WDR47: variants seen among roughly 807,000 people sequenced by gnomAD.
The protein encoded by WDR47 is WD repeat domain 47, also known as WD repeat-containing protein 47.
A neutral mutation model predicts 97.2 loss-of-function variants in WDR47; 32 were observed. The observed-to-expected ratio is 0.33, with a 90% confidence interval of 0.25 to 0.44. The LOEUF is 0.44. Among genes scored for constraint, WDR47 ranks in the 20% least tolerant of loss-of-function variants. WDR47 has a pLI of 1.00. For synonymous variants in WDR47, 375 were observed against 373.5 expected (o/e 1.00, Z -0.05); for missense variants, 782 against 1,102.3 (o/e 0.71, Z 4.11).
At chr1:108,974,815 G>A (rs1657757566) in intron 13 of WDR47, 61 bp from the exon 14 acceptor site, 1 of 1,251,790 alleles carries the variant, frequency 8.0e-7, no homozygotes, top group Non-Finnish European at 1.1e-6. Context: ...TGGCAACACA[G>A]CTGATTATGT....
intron 7 of WDR47, among the ~76,000 whole-genome samples, chr1:108,998,829 A>T (rs1362818534): frequency 6.6e-6 from 1 of 152,232 alleles, no homozygotes; most frequent in Non-Finnish European, 1.5e-5. Flanking sequence ...TGAGAGGAAA[A>T]AGCACATTTT....
In WDR47 at chr1:109,010,993, T is replaced by C; in HGVS notation, c.1053A>G (p.Pro351=). 1 of 1,614,164 alleles carries C rather than the reference T, an allele frequency of 6.2e-7. No individual in the cohort carries two copies. Among genetic ancestry groups the C allele is most frequent in the Non-Finnish European group, 8.5e-7 (1 of 1,180,036 alleles). ...MSHSFANFHY[P]GVQNLSRSLM... Reference sequence around the variant, plus strand: ...GACTTCTACTGAGGTTTTGTACCCCTGGATAATGGAAGTTAGCAAAGGAGT... The same window carrying C: ...GACTTCTACTGAGGTTTTGTACCCCCGGATAATGGAAGTTAGCAAAGGAGT... The change falls in exon 5 of 15, where the codon CCA becomes CCG. Residue 351 remains proline (P), a synonymous_variant. Coordinates refer to ENST00000369962, the MANE Select transcript of WDR47 (RefSeq NM_001142551.2).
chr1:108,980,969 A>C (rs1658293085), intron 13 of WDR47, among the ~76,000 whole-genome samples: 1 of 151,950 alleles, frequency 6.6e-6, no homozygotes. Context: ...CTACTAAAAA[A>C]TGCAAAAAAT....
intron 7 of WDR47, among the ~76,000 whole-genome samples, chr1:108,999,613 G>A (rs1660025655): frequency 6.6e-6 from 1 of 151,296 alleles, no homozygotes; most frequent in Non-Finnish European, 1.5e-5. Flanking sequence ...GGTCGAGGCT[G>A]CAGTGAGCCA....
At chr1:109,010,836 C>T in intron 5 of WDR47, 80 bp downstream of exon 5, 3 of 1,373,608 alleles carry the variant, frequency 2.2e-6, no homozygotes, top group Non-Finnish European at 3.0e-6. Context: ...CCCACCTCGG[C>T]CTCCCAAAGT....
Position 109,026,406 on chromosome 1 carries a change from G to C in WDR47, c.-9-2885C>G, listed in dbSNP as rs201439016. On this transcript the variant is annotated intron_variant, in intron 1 of 14. Coordinates refer to ENST00000369962, the MANE Select transcript of WDR47 (RefSeq NM_001142551.2). ...TACTCATTAAATTCTGATCATATCA[G>C]AACTGTCTCCCTAATATTATTCTTA... Among the ~76,000 whole-genome samples the C allele has an allele frequency of 4.0e-5, 6 of 150,948 alleles. No homozygotes were observed. In the East Asian group the frequency reaches 1.2e-3, roughly 29 times the overall value.
chr1:109,006,350 G>A (rs761541204), intron 5 of WDR47, among the ~76,000 whole-genome samples: 4 of 147,100 alleles, frequency 2.7e-5, no homozygotes, highest in Non-Finnish European at 6.1e-5. Context: ...CCGAGATCGC[G>A]CCATTGCAGT....
Position 108,971,369 on chromosome 1 carries a change from T to C in WDR47, c.*61A>G, listed in dbSNP as rs1015733966. The C allele has an allele frequency of 8.1e-6, 13 of 1,597,646 alleles. No homozygotes were observed. The Admixed American group carries it at 1.5e-4, about 19-fold the overall frequency. On this transcript the variant is annotated 3_prime_UTR_variant, in exon 15 of 15. Coordinates refer to ENST00000369962, the MANE Select transcript of WDR47 (RefSeq NM_001142551.2). ...ACTATGTTCTTCAGATTTGTAATTTTCACAACTCAGTAGTCTTAAGTCTCT... is the reference window on the plus strand; with the variant it reads ...ACTATGTTCTTCAGATTTGTAATTTCCACAACTCAGTAGTCTTAAGTCTCT...
intron 6 of WDR47, among the ~76,000 whole-genome samples, chr1:109,004,146 T>TC (rs1325739614): frequency 6.6e-6 from 1 of 151,682 alleles, no homozygotes; most frequent in Non-Finnish European, 1.5e-5. Context: ...GCGCCTGTGG[T>TC]CCCAGCTACT....
intron 7 of WDR47, among the ~76,000 whole-genome samples, chr1:108,999,810 T>C (rs1660046051): frequency 6.6e-6 from 1 of 152,212 alleles, no homozygotes; most frequent in Admixed American, 6.5e-5. Context: ...GTCACAGAAC[T>C]TTGCCATTTC....
At chr1:109,020,098 CAT>C (rs1006087798) in intron 2 of WDR47, among the ~76,000 whole-genome samples, 47 of 151,786 alleles carry the variant, frequency 3.1e-4, no homozygotes, top group Admixed American at 7.9e-4. Context: ...AAAAAATTAA[CAT>C]AAAGAAATTT....
intron 2 of WDR47, among the ~76,000 whole-genome samples, chr1:109,019,644 A>G (rs1661677925): frequency 6.6e-6 from 1 of 152,322 alleles, no homozygotes; most frequent in East Asian, 1.9e-4. Context: ...ACAAAGAATT[A>G]TCTGGCCCAG....
At chr1:109,018,675 C>T (rs1474200578) in intron 2 of WDR47, among the ~76,000 whole-genome samples, 3 of 151,952 alleles carry the variant, frequency 2.0e-5, no homozygotes, top group Admixed American at 2.0e-4. Flanking sequence ...ATTAGCCAGG[C>T]ATGGTTGTGC....
intron 2 of WDR47, among the ~76,000 whole-genome samples, chr1:109,018,725 G>C (rs1213563248): frequency 1.3e-5 from 2 of 150,794 alleles, no homozygotes; most frequent in African/African-American, 4.9e-5. Context: ...TGAGGTGGGA[G>C]GATCACTTGA....
In WDR47 at chr1:108,995,908, A is replaced by G. The variant is rs555092998; in HGVS notation, c.1434-71T>C. On this transcript the variant is annotated intron_variant, in intron 7 of 14. Coordinates refer to ENST00000369962, the MANE Select transcript of WDR47 (RefSeq NM_001142551.2). ...GCATTCCTAATATATACAAGGTTAA[A>G]AGTGTGAAAAGGTAAAAATATGCAC... 6.2e-6 allele frequency: 9 copies of G among 1,463,284 alleles called. No homozygotes were observed. The African/African-American group carries it at 1.3e-4, about 21-fold the overall frequency. The allele number at this position is 1,463,284 out of a possible 1,614,324, so 90.6% of individuals were successfully genotyped here.
At position 108,983,338 on chromosome 1, in the gene WDR47, GATCCTGTTGCTA is replaced by G; in HGVS notation, c.2027_2038del (p.Leu676_Gly679del). ...CAGCACTTTGACGTATTTGTCATTTGATCCTGTTGCTAATAACTGCCCACAAGGACTCCAGGC... is the reference window on the plus strand; with the variant it reads ...CAGCACTTTGACGTATTTGTCATTTGATAACTGCCCACAAGGACTCCAGGC... On this transcript the variant is annotated inframe_deletion, in exon 11 of 15. Transcript: ENST00000369962. 6.2e-7 allele frequency: 1 copy of G among 1,612,658 alleles called. No homozygotes were observed. The highest frequency in any genetic ancestry group is 8.5e-7 in the Non-Finnish European group (1 of 1,179,300).
Position 109,031,345 on chromosome 1 carries a change from A to G in WDR47, c.-9-7824T>C, listed in dbSNP as rs905369208. Reference sequence around the variant, plus strand: ...ATGTTTAAAGCAGGTGCAACTTTATATAACTATAAAAAGAAACTAATATAA... The same window carrying G: ...ATGTTTAAAGCAGGTGCAACTTTATGTAACTATAAAAAGAAACTAATATAA... On this transcript the variant is annotated intron_variant, in intron 1 of 14. Transcript: ENST00000369962. Among the ~76,000 whole-genome samples the G allele has an allele frequency of 2.1e-5, 3 of 140,406 alleles. 1 individual carries two copies. The South Asian group carries it at 6.7e-4, about 31-fold the overall frequency. 92.1% of individuals were successfully genotyped at this position (140,406 alleles called of 152,430 possible). A position where few individuals can be genotyped will look rare whatever the true frequency, so the allele number is the denominator to read the frequency against.
intron 1 of WDR47, among the ~76,000 whole-genome samples, chr1:109,028,835 T>C (rs1662411750): frequency 6.6e-6 from 1 of 152,134 alleles, no homozygotes; most frequent in Non-Finnish European, 1.5e-5. Context: ...TAATTTACCA[T>C]CTTCACCATT....
intron 1 of WDR47, among the ~76,000 whole-genome samples, chr1:109,023,788 A>G (rs1662014959): frequency 1.3e-5 from 2 of 152,170 alleles, no homozygotes; most frequent in Non-Finnish European, 2.9e-5. Flanking sequence ...CATGAAAATA[A>G]TAGAAGAGAA....
Sources: allele counts gnomAD v4.1 joint callset (sites outside exome capture counted in the v4.1 genomes callset), GRCh38; gene constraint gnomAD v4.1.1; transcripts MANE v1.5; gene names NCBI Gene and HGNC (gene_info 2026-07-23, HGNC 2026-07-21).